KTN1: variants seen among roughly 807,000 people sequenced by gnomAD.
The protein encoded by KTN1 is kinectin 1.
In KTN1, 130 loss-of-function variants were observed where a neutral mutation model predicts 222.5. The ratio of observed to expected loss-of-function variants is 0.58; its 90% confidence interval spans 0.51 to 0.68. The LOEUF is 0.68. Among genes scored for constraint, KTN1 ranks in the 30% least tolerant of loss-of-function variants. The probability of loss-of-function intolerance (pLI) is 0.00; values close to 1 mark genes in which losing one functional copy is unlikely to be tolerated. For missense variants in KTN1, 1,508 were observed against 1,500.4 expected (o/e 1.01, Z -0.08); for synonymous variants, 512 against 496.3 (o/e 1.03, Z -0.42).
At chr14:55,663,721 T>C in intron 32 of KTN1, 1 of 403,854 alleles carries the variant, frequency 2.5e-6, no homozygotes, top group Non-Finnish European at 4.4e-6. Flanking sequence ...AGTAATTATT[T>C]TAAAAGCTGG....
intron 18 of KTN1, chr14:55,644,559 ACTTT>A: frequency 9.8e-6 from 4 of 409,940 alleles, no homozygotes; most frequent in Admixed American, 8.5e-5. Flanking sequence ...TCAGAATAAG[ACTTT>A]TTTTTTTTTT....
chr14:55,640,570 C>T, intron 15 of KTN1, 128 bp downstream of exon 15: 1 of 656,232 alleles, frequency 1.5e-6, no homozygotes, highest in East Asian at 2.8e-5. Context: ...TCTTTGGCTG[C>T]ATGATTTGAT....
intron 19 of KTN1, among the ~76,000 whole-genome samples, chr14:55,647,311 A>G (rs2141068664): frequency 6.6e-6 from 1 of 152,312 alleles, no homozygotes; most frequent in Admixed American, 6.5e-5. Context: ...GATGGACAAA[A>G]GAGTTGATCC....
intron 43 of KTN1, chr14:55,683,440 C>T (rs542682809): frequency 9.9e-5 from 15 of 152,106 alleles, no homozygotes; most frequent in African/African-American, 1.7e-4. Flanking sequence ...CACACATCTC[C>T]GAAAACAAGA....
At chr14:55,661,292 C>T in intron 31 of KTN1, 1 of 354,656 alleles carries the variant, frequency 2.8e-6, no homozygotes, top group African/African-American at 2.1e-5. Context: ...TTCTCTTTAG[C>T]ACAAGCCTGA....
chr14:55,624,763 G>A (rs1016188264), intron 5 of KTN1, among the ~76,000 whole-genome samples: 4 of 152,136 alleles, frequency 2.6e-5, no homozygotes, highest in African/African-American at 9.7e-5. Flanking sequence ...ACACCAGGAG[G>A]TAGTGGAATC....
At chr14:55,667,182 C>A in intron 33 of KTN1, 59 bp from the exon 34 acceptor site, 1 of 1,121,060 alleles carries the variant, frequency 8.9e-7, no homozygotes. Flanking sequence ...TTTTTCTTTT[C>A]TTTTTTTAAA....
chr14:55,614,284 GGGCAGTATTTGATGCC>G (rs1445355859), intron 2 of KTN1, among the ~76,000 whole-genome samples: 2 of 152,112 alleles, frequency 1.3e-5, no homozygotes, highest in Admixed American at 1.3e-4. Flanking sequence ...AGATTTCATG[GGGCAGTATTTGATGCC>G]GGCAGACTAG....
chr14:55,582,355 C>A (rs147889256), intron 1 of KTN1, among the ~76,000 whole-genome samples: 2 of 152,072 alleles, frequency 1.3e-5, no homozygotes, highest in East Asian at 1.9e-4. Flanking sequence ...GTAGGGAGAT[C>A]GTTTTAATAA....
chr14:55,616,466 G>A (rs778664650), intron 2 of KTN1, 51 bp from the exon 3 acceptor site: 8 of 1,486,664 alleles, frequency 5.4e-6, no homozygotes, highest in East Asian at 4.6e-5. Context: ...CATCTTTTCC[G>A]TTATGTTCAT....
At chr14:55,607,755 T>C (rs2036948014) in intron 1 of KTN1, among the ~76,000 whole-genome samples, 1 of 152,128 alleles carries the variant, frequency 6.6e-6, no homozygotes, top group South Asian at 2.1e-4. Context: ...GGCTAGGTGG[T>C]ACATGCCTGT....
chr14:55,636,746 C>T (rs758164176), intron 10 of KTN1, among the ~76,000 whole-genome samples: 3 of 151,970 alleles, frequency 2.0e-5, no homozygotes, highest in African/African-American at 4.8e-5. Context: ...ATTAAAGTTG[C>T]AGGCAAAATT....
chr14:55,657,111 C>G (rs982169361), intron 29 of KTN1, among the ~76,000 whole-genome samples: 3 of 152,158 alleles, frequency 2.0e-5, no homozygotes, highest in Non-Finnish European at 2.9e-5. Context: ...CTACCACATT[C>G]CTTCTCCCTC....
chr14:55,582,596 A>G (rs944787105), intron 1 of KTN1, among the ~76,000 whole-genome samples: 2 of 152,262 alleles, frequency 1.3e-5, no homozygotes, highest in African/African-American at 2.4e-5. Flanking sequence ...TACATTTCCT[A>G]TGTGTAAGTT....
chr14:55,657,245 G>T (rs1231074334), intron 29 of KTN1, among the ~76,000 whole-genome samples: 1 of 152,134 alleles, frequency 6.6e-6, no homozygotes, highest in East Asian at 1.9e-4. Flanking sequence ...CATTGACAAG[G>T]ATAAAAATTT....
intron 20 of KTN1, among the ~76,000 whole-genome samples, chr14:55,648,350 A>G (rs1595091788): frequency 6.6e-6 from 1 of 152,332 alleles, no homozygotes. Context: ...CCCCACTTGC[A>G]CCAAAATTAT....
intron 9 of KTN1, among the ~76,000 whole-genome samples, chr14:55,634,900 A>G (rs1448307640): frequency 1.3e-5 from 2 of 152,052 alleles, no homozygotes; most frequent in African/African-American, 4.8e-5. Context: ...AGCGAGGGGG[A>G]AGACTCCCTT....
intron 1 of KTN1, among the ~76,000 whole-genome samples, chr14:55,610,606 A>G (rs956254947): frequency 6.6e-6 from 1 of 152,270 alleles, no homozygotes; most frequent in Non-Finnish European, 1.5e-5. Context: ...TTATTTTTAC[A>G]TTAAAAGTGT....
At chr14:55,677,445 C>G (rs994784882) in intron 41 of KTN1, among the ~76,000 whole-genome samples, 2 of 144,674 alleles carry the variant, frequency 1.4e-5, no homozygotes, top group African/African-American at 2.6e-5. Flanking sequence ...CTACTGCACT[C>G]TAGCCTGGGT....
Sources: gnomAD v4.1 joint callset for allele counts (sites outside exome capture counted in the v4.1 genomes callset) on GRCh38, gnomAD v4.1.1 for gene constraint, MANE v1.5 for transcripts, NCBI Gene and HGNC (gene_info 2026-07-23, HGNC 2026-07-21) for gene names.